CLUH: variants seen among roughly 807,000 people sequenced by gnomAD.
CLUH encodes clustered mitochondria protein homolog.
Under a neutral mutation model 139.3 loss-of-function variants are expected in CLUH, and 77 were observed. The ratio of observed to expected loss-of-function variants is 0.55; its 90% CI spans 0.46 to 0.67. The LOEUF is 0.67. CLUH is among the 30% of genes least tolerant of loss of function. CLUH has a pLI of 0.00. For missense variants in CLUH, 1,876 were observed against 1,875.8 expected (o/e 1.00, Z 0.00); for synonymous variants, 999 against 801.6 (o/e 1.25, Z -4.16).
chr17:2,711,193 G>A (rs1468808461), intron 1 of CLUH: 2 of 152,250 alleles, frequency 1.3e-5, no homozygotes, highest in Non-Finnish European at 2.9e-5. Flanking sequence ...ACGTCGGAGC[G>A]ACCCCAGCTC....
chr17:2,691,673 G>A lies in CLUH; in HGVS notation c.3799C>T (p.Pro1267Ser), dbSNP rs776806820. Residue 1267 changes from proline to serine, a missense_variant, in exon 25 of 26, where the codon CCC becomes TCC. Transcript: ENST00000651024. ...TGCTCCAAGACGCTGGCCATGCTGG[G>A]GGCCGTGAACTGCGGGGCGGGGAAA... is the stretch of plus-strand genomic sequence containing the variant. The part of the protein sequence containing the change: ...ANIPPLKFTA[P>S]SMASVLEQLN... 58 of 1,612,138 alleles carry A rather than the reference G, an allele frequency of 3.6e-5. No homozygotes were observed. The highest frequency in any genetic ancestry group is 4.7e-5 in the Non-Finnish European group (56 of 1,179,112).
chr17:2,698,231 G>T lies in CLUH; in HGVS notation c.1626C>A (p.Ser542=). 1 of 1,595,414 alleles carries T rather than the reference G, an allele frequency of 6.3e-7. No individual in the cohort carries two copies. The change falls in exon 10 of 26, where the codon TCC becomes TCA. Residue 542 remains serine, a synonymous_variant. Transcript: ENST00000651024. ...RDQEQSVIYG[S]IDFGKTVVSH... is the part of the protein sequence containing the mutation. Reference sequence around the variant, plus strand: ...ACACCACGGTCTTGCCGAAGTCGATGGAGCCGTAGATGACGCTCTGCTCCT... The same window carrying T: ...ACACCACGGTCTTGCCGAAGTCGATTGAGCCGTAGATGACGCTCTGCTCCT...
intron 1 of CLUH, among the ~76,000 whole-genome samples, chr17:2,709,262 G>T (rs1264378030): frequency 6.6e-6 from 1 of 152,148 alleles, no homozygotes; most frequent in Admixed American, 6.5e-5. Flanking sequence ...GCAGGAAGTA[G>T]GGTCCGAAAA....
chr17:2,697,464 G>A (rs1277765687), intron 10 of CLUH, among the ~76,000 whole-genome samples: 2 of 151,742 alleles, frequency 1.3e-5, no homozygotes, highest in African/African-American at 2.4e-5. Flanking sequence ...TCCCCATCCA[G>A]GTCAGGGCTC....
In CLUH at chr17:2,700,920, C is replaced by T. The variant is rs1356652931; in HGVS notation, c.1026-95G>A. ...CTGAGGCCCCCGCCTGCTCCGGCAT[C>T]TCCCACCCTGAGACACTGCCCTGGA... On this transcript the variant is annotated intron_variant, in intron 7 of 25. Coordinates refer to ENST00000651024, the MANE Select transcript of CLUH (RefSeq NM_001366661.1). 11 of 1,453,698 alleles carry T rather than the reference C, an allele frequency of 7.6e-6. No individual in the cohort carries two copies. The African/African-American group carries it at 1.6e-4, about 21-fold the overall frequency. The allele number at this position is 1,453,698 out of a possible 1,614,324, so 90.0% of individuals were successfully genotyped here.
chr17:2,701,476 C>T lies in CLUH; in HGVS notation c.789G>A (p.Pro263=), dbSNP rs768755537. Residue 263 remains proline (P), a synonymous_variant, in exon 6 of 26, where the codon CCG becomes CCA. Coordinates refer to ENST00000651024, the MANE Select transcript of CLUH (RefSeq NM_001366661.1). The stretch of plus-strand genomic sequence containing the variant: ...CGTGCATCTTCCGGTTCCCCGGGGG[C>T]GGGTTCCATCCGCTCATGGTGAGTA... ...LKVLTMSGWN[P]PPGNRKMHGD... is the part of the protein sequence containing the mutation. The T allele has an allele frequency of 6.8e-6, 11 of 1,613,702 alleles. No individual in the cohort carries two copies. The highest frequency in any genetic ancestry group is 1.7e-5 in the Admixed American group (1 of 59,994).
chr17:2,700,223 A>G (rs2070123644), intron 9 of CLUH, among the ~76,000 whole-genome samples, 159 bp downstream of exon 9: 1 of 152,216 alleles, frequency 6.6e-6, no homozygotes, highest in Non-Finnish European at 1.5e-5. Context: ...TGGGAGGCGG[A>G]AGGCTAGCAG....
In CLUH at chr17:2,698,427, A is replaced by C. The variant is rs1275492138; in HGVS notation, c.1430T>G (p.Phe477Cys). Reference sequence around the variant, plus strand: ...CACGTAGGCCGCCACGTCCCCCCCGAAGTCCTTGTAGTGGTCTCGGACGTC... The same window carrying C: ...CACGTAGGCCGCCACGTCCCCCCCGCAGTCCTTGTAGTGGTCTCGGACGTC... ...GFDVRDHYKD[F>C]GGDVAAYVAP... Residue 477 changes from phenylalanine to cysteine, a missense_variant, in exon 10 of 26, where the codon TTC (phenylalanine) becomes TGC (cysteine). By Grantham distance (205) the Phe-to-Cys change is radical. Around this residue, in one of 3 missense-constraint regions of CLUH, gnomAD observed 1,454 missense variants for 1,384.4 expected, o/e 1.05. Coordinates refer to ENST00000651024, the MANE Select transcript of CLUH (RefSeq NM_001366661.1). 1 of 1,613,060 alleles carries C rather than the reference A, an allele frequency of 6.2e-7. No homozygotes were observed. Among genetic ancestry groups the C allele is most frequent in the Admixed American group, 1.7e-5 (1 of 59,990 alleles).
Position 2,704,712 on chromosome 17 carries a change from T to C in CLUH, c.101-148A>G, listed in dbSNP as rs2070299440. 2 of 753,568 alleles carry C rather than the reference T, an allele frequency of 2.7e-6. No homozygotes were observed. The highest frequency in any genetic ancestry group is 3.8e-4 in the Middle Eastern group (1 of 2,614). 46.7% of individuals were successfully genotyped at this position (753,568 alleles called of 1,614,324 possible). On this transcript the variant is annotated intron_variant, in intron 1 of 25. Transcript: ENST00000651024. The surrounding 1 kb of genome is among the most constrained non-coding windows in gnomAD (Gnocchi z 5.7). Reference sequence around the variant, plus strand: ...CCTCACGGTCGCGCCTCGCCCTCCGTGCACCTGCAGGCCACTTCCACACCC... The same window carrying C: ...CCTCACGGTCGCGCCTCGCCCTCCGCGCACCTGCAGGCCACTTCCACACCC...
rs1016602885 is a variant in CLUH at position 2,698,007 on chromosome 17, A to C, written c.1850T>G (p.Val617Gly). The C allele has an allele frequency of 5.0e-6, 8 of 1,600,954 alleles. No homozygotes were observed. The highest frequency in any genetic ancestry group is 6.8e-6 in the Non-Finnish European group (8 of 1,177,794). Reference sequence around the variant, plus strand: ...TTCCTCAGGCAGCTCCTCGCCAGGCACGGGCAGGAAGTTGAGGTCCGGGGG... The same window carrying C: ...TTCCTCAGGCAGCTCCTCGCCAGGCCCGGGCAGGAAGTTGAGGTCCGGGGG... ...TFPPDLNFLP[V>G]PGEELPEECA... Residue 617 changes from valine (V) to glycine (G), a missense_variant, in exon 10 of 26, where the codon GTG (valine) becomes GGG (glycine). Coordinates refer to ENST00000651024, the MANE Select transcript of CLUH (RefSeq NM_001366661.1).
intron 13 of CLUH, 83 bp from the exon 14 acceptor site, chr17:2,695,609 T>C: frequency 6.9e-7 from 1 of 1,447,940 alleles, no homozygotes. Flanking sequence ...ACAGCTATCC[T>C]GGGAGGCCCT....
intron 16 of CLUH, 31 bp downstream of exon 16, chr17:2,694,826 A>ACCCCCCCCCCCCCCCCCCCCCCCCC: frequency 1.3e-6 from 1 of 796,166 alleles, no homozygotes; most frequent in Non-Finnish European, 1.8e-6. Flanking sequence ...GCCCAATCCC[A>ACCCCCCCCCCCCCCCCCCCCCCCCC]CCCACCCCAC....
At chr17:2,700,556 T>G (rs374141135) in intron 8 of CLUH, 82 bp from the exon 9 acceptor site, 4 of 1,552,436 alleles carry the variant, frequency 2.6e-6, no homozygotes, top group Non-Finnish European at 3.5e-6. Context: ...TCTACCTTCC[T>G]GAGAAGAGCC....
At chr17:2,692,205 G>A in intron 22 of CLUH, 108 bp from the exon 23 acceptor site, 1 of 1,440,064 alleles carries the variant, frequency 6.9e-7, no homozygotes, top group Non-Finnish European at 9.4e-7. Flanking sequence ...GGAAGCCACC[G>A]AGGGGAACAG....
chr17:2,691,650 C>T lies in CLUH; in HGVS notation c.3822G>A (p.Glu1274=). The T allele has an allele frequency of 2.5e-6, 4 of 1,612,726 alleles. No individual in the cohort carries two copies. The highest frequency in any genetic ancestry group is 3.4e-6 in the Non-Finnish European group (4 of 1,179,382). Residue 1274 remains glutamate, a synonymous_variant, in exon 25 of 26, where the codon GAG becomes GAA. Transcript: ENST00000651024. ...GGATGCCGTTAATGACGTTCAGCTG[C>T]TCCAAGACGCTGGCCATGCTGGGGG... ...FTAPSMASVL[E]QLNVINGILF...
intron 25 of CLUH, 86 bp downstream of exon 25, chr17:2,691,523 C>T (rs898826098): frequency 1.5e-5 from 21 of 1,370,098 alleles, no homozygotes; most frequent in Non-Finnish European, 2.0e-5. Flanking sequence ...ATGGCGCCGC[C>T]GCACTCCAGC....
intron 9 of CLUH, among the ~76,000 whole-genome samples, chr17:2,700,104 C>G (rs113937931): frequency 6.6e-6 from 1 of 152,256 alleles, no homozygotes; most frequent in Non-Finnish European, 1.5e-5. Flanking sequence ...TCACAGAGGG[C>G]GGGAAGCTGC....
In CLUH at chr17:2,691,965, CCGCCCCGCCCCCGCCCCCGCCA is replaced by C. The variant is rs762202903; in HGVS notation, c.3654+17_3654+38del. On this transcript the variant is annotated intron_variant, in intron 23 of 25. Transcript: ENST00000651024. ...GCCCCGCCCCCGCCCCGCCACGCCC[CCGCCCCGCCCCCGCCCCCGCCA>C]CGCCCCCGCCGCGCACCTGCGTCTT... is the stretch of plus-strand genomic sequence containing the variant. 7.7e-3 allele frequency: 5,258 copies of C among 682,556 alleles called. 276 individuals are homozygous for C. The highest frequency in any genetic ancestry group is 0.024 in the Admixed American group (278 of 11,658). 42.3% of individuals were successfully genotyped at this position (682,556 alleles called of 1,614,324 possible).
In CLUH at chr17:2,690,102, C is replaced by T. The variant is rs1434525069; in HGVS notation, c.*492G>A. The T allele has an allele frequency of 6.5e-6, 1 of 153,836 alleles. No individual in the cohort carries two copies. Among genetic ancestry groups the T allele is most frequent in the East Asian group, 1.9e-4 (1 of 5,230 alleles). The allele number at this position is 153,836 out of a possible 1,614,324, so 9.5% of individuals were successfully genotyped here. A position where few individuals can be genotyped will look rare whatever the true frequency, so the allele number is the denominator to read the frequency against. On this transcript the variant is annotated 3_prime_UTR_variant, in exon 26 of 26. Coordinates refer to ENST00000651024, the MANE Select transcript of CLUH (RefSeq NM_001366661.1). ...TCCCCACCGGGTTTTTCGGCCTAAA[C>T]CCTGAACTTTCAGACAGGCTGGGCC...
Sources: allele counts gnomAD v4.1 joint callset (sites outside exome capture counted in the v4.1 genomes callset), GRCh38; gene constraint gnomAD v4.1.1; regional missense constraint gnomAD v4.1.1; non-coding constraint Gnocchi (gnomAD v3.1); transcripts MANE v1.5; gene names NCBI Gene and HGNC (gene_info 2026-07-23, HGNC 2026-07-21).